Variants in HRH2 observed in about 807,000 individuals in gnomAD.
The protein encoded by HRH2 is histamine receptor H2.
Under a neutral mutation model 20.1 loss-of-function variants are expected in HRH2, and 4 were observed. That is an observed-to-expected ratio of 0.20 (90% CI 0.10 to 0.45). The LOEUF (loss-of-function observed/expected upper bound fraction) is 0.45, where lower values mean the gene tolerates loss of function less well. Ranked by LOEUF, HRH2 falls within the 20% of genes least tolerant of loss-of-function variation. The pLI, the probability that HRH2 is intolerant of heterozygous loss-of-function variation, is 0.99. For missense variants in HRH2, 250 were observed against 461.6 expected, an observed-to-expected ratio of 0.54 and a Z score of 4.20; for synonymous variants, 197 against 200.7, an observed-to-expected ratio of 0.98 and a Z score of 0.16.
rs1215575554 is a variant in HRH2 at position 175,658,093 on chromosome 5, C to CGGCGCG, written c.-579_-574dup. 1 of 151,894 alleles carries CGGCGCG rather than the reference C, an allele frequency of 6.6e-6. No individual in the cohort carries two copies. The highest frequency in any genetic ancestry group is 6.6e-5 in the Admixed American group (1 of 15,242). 9.4% of individuals were successfully genotyped at this position (151,894 alleles called of 1,614,324 possible). ...GCTGCATCCCTGCCCGGAGCGCAGC[C>CGGCGCG]GGCGCGGGCGCGGGACCGAGGCGAA... On this transcript the variant is annotated 5_prime_UTR_variant, in exon 1 of 3. Transcript: ENST00000636584.
Position 175,686,655 on chromosome 5 carries a change from AGAG to A in HRH2, c.1076+2350_1076+2352del, listed in dbSNP as rs1299042791. Among the ~76,000 whole-genome samples the A allele has an allele frequency of 3.3e-5, 5 of 152,220 alleles. No individual in the cohort carries two copies. Among genetic ancestry groups the A allele is most frequent in the African/African-American group, 1.2e-4 (5 of 41,458 alleles). On this transcript the variant is annotated intron_variant, in intron 2 of 2. Transcript: ENST00000636584. The surrounding 1 kb of genome is among the most constrained non-coding windows in gnomAD (Gnocchi z 4.7). ...GCATGGGCCCGGGAGCCCATCCCGG[AGAG>A]GAGACCTCTGAGCTTTTAAATGCAA...
In HRH2 at chr5:175,688,188, C is replaced by T. The variant is rs559402541; in HGVS notation, c.1076+3879C>T. On this transcript the variant is annotated intron_variant, in intron 2 of 2. Coordinates refer to ENST00000636584, the MANE Select transcript of HRH2 (RefSeq NM_001367711.1). ...CGGAGGCCCGCCTGGGTAACCCATG[C>T]TACTCTCGAGCCTCAGCTCAAATTC... Among the ~76,000 whole-genome samples, 45 of 152,356 alleles carry T rather than the reference C, an allele frequency of 3.0e-4. No individual in the cohort carries two copies. The Middle Eastern group carries it at 0.024, about 81-fold the overall frequency.
rs1756052033 is a variant in HRH2, at chr5:175,683,222, T to C, written c.-12T>C. ...GGGCCCTGATCAGGGGACTGAGCCG[T>C]AGAGTCCCAGGATGGCACCCAATGG... On this transcript the variant is annotated 5_prime_UTR_variant, in exon 2 of 3. Coordinates refer to ENST00000636584, the MANE Select transcript of HRH2 (RefSeq NM_001367711.1). 5.6e-6 allele frequency: 9 copies of C among 1,609,874 alleles called. No homozygotes were observed. The highest frequency in any genetic ancestry group is 7.6e-6 in the Non-Finnish European group (9 of 1,177,106).
chr5:175,707,297 G>A (rs961093960), intron 2 of HRH2, among the ~76,000 whole-genome samples: 1 of 152,074 alleles, frequency 6.6e-6, no homozygotes, highest in African/African-American at 2.4e-5. Flanking sequence ...AGGCATAGTG[G>A]CACGCACCTA....
chr5:175,659,877 T>C (rs182589479), intron 1 of HRH2, among the ~76,000 whole-genome samples: 1 of 152,284 alleles, frequency 6.6e-6, no homozygotes, highest in Admixed American at 6.5e-5. Context: ...TCTAAGGGTC[T>C]GGAAGGAAGG....
intron 1 of HRH2, among the ~76,000 whole-genome samples, chr5:175,658,481 C>T (rs1236822866): frequency 6.6e-6 from 1 of 152,192 alleles, no homozygotes; most frequent in Non-Finnish European, 1.5e-5. Context: ...CTTTATATCC[C>T]CTTTGCCCGC....
At chr5:175,691,250 C>T (rs1756368922) in intron 2 of HRH2, 1 of 152,418 alleles carries the variant, frequency 6.6e-6, no homozygotes, top group African/African-American at 2.4e-5. Flanking sequence ...GAGCCCCTCC[C>T]ACTCCTGGAG....
At position 175,681,490 on chromosome 5, in the gene HRH2, G is replaced by A. The variant is rs1385398399; in HGVS notation, c.-525-1219G>A. 6.6e-6 allele frequency among the ~76,000 whole-genome samples: 1 copy of A among 152,190 alleles called. No individual in the cohort carries two copies. Among genetic ancestry groups the A allele is most frequent in the Non-Finnish European group, 1.5e-5 (1 of 68,036 alleles). ...AGATTGCCTGCTCTCTGAAAAACCAGGAGGAGCTGGTAGGGAAGGACTGGG... is the reference window on the plus strand; with the variant it reads ...AGATTGCCTGCTCTCTGAAAAACCAAGAGGAGCTGGTAGGGAAGGACTGGG... On this transcript the variant is annotated intron_variant, in intron 1 of 2. Transcript: ENST00000636584. This position sits in a 1 kb window ranked among gnomAD's most constrained non-coding sequence, Gnocchi z 4.3.
At chr5:175,658,702 C>T (rs1190383315) in intron 1 of HRH2, among the ~76,000 whole-genome samples, 13 of 150,342 alleles carry the variant, frequency 8.6e-5, no homozygotes, top group Admixed American at 8.6e-4. Context: ...GCTGGGCTGC[C>T]GCCCGCTGCC....
chr5:175,683,689 G>C lies in HRH2; in HGVS notation c.456G>C (p.Leu152=), dbSNP rs753704560. The change falls in exon 2 of 3, where the codon CTG becomes CTC. Residue 152 remains leucine (L), a synonymous_variant. Coordinates refer to ENST00000636584, the MANE Select transcript of HRH2 (RefSeq NM_001367711.1). ...TCATCTCCATTACCCTGTCCTTTCT[G>C]TCTATCCACCTGGGGTGGAACAGCA... ...IWVISITLSF[L]SIHLGWNSRN... The C allele has an allele frequency of 6.2e-7, 1 of 1,614,124 alleles. No homozygotes were observed. Among genetic ancestry groups the C allele is most frequent in the Non-Finnish European group, 8.5e-7 (1 of 1,180,038 alleles).
At chr5:175,663,869 C>G (rs1272729825) in intron 1 of HRH2, among the ~76,000 whole-genome samples, 2 of 152,246 alleles carry the variant, frequency 1.3e-5, no homozygotes, top group Non-Finnish European at 2.9e-5. Context: ...CCTGGGCAAG[C>G]CACCTCCCCT....
chr5:175,684,085 C>T lies in HRH2; in HGVS notation c.852C>T (p.Asn284=). The part of the protein sequence containing the change: ...LWLGYANSAL[N]PILYAALNRD... The stretch of plus-strand genomic sequence containing the variant: ...TGGGCTATGCCAACTCAGCCCTGAA[C>T]CCCATCCTGTATGCTGCGCTGAACA... Residue 284 remains asparagine (N), a synonymous_variant, in exon 2 of 3, where the codon AAC becomes AAT. Transcript: ENST00000636584. The T allele has an allele frequency of 6.2e-7, 1 of 1,614,176 alleles. No individual in the cohort carries two copies. The highest frequency in any genetic ancestry group is 8.5e-7 in the Non-Finnish European group (1 of 1,180,046).
intron 1 of HRH2, among the ~76,000 whole-genome samples, chr5:175,667,794 A>G (rs573623734): frequency 5.9e-5 from 9 of 152,268 alleles, no homozygotes; most frequent in Non-Finnish European, 1.0e-4. Context: ...GTCATTCCCA[A>G]TATTGCCTAT....
chr5:175,693,859 G>A lies in HRH2; in HGVS notation c.1076+9550G>A, dbSNP rs1308019743. Among the ~76,000 whole-genome samples, 3 of 152,102 alleles carry A rather than the reference G, an allele frequency of 2.0e-5. No homozygotes were observed. The highest frequency in any genetic ancestry group is 7.2e-5 in the African/African-American group (3 of 41,410). ...CAGGCTGCACATCTCTCCCTTTTGT[G>A]GCTGCTGAGTTTCCTGCCGTCTCCC... is the stretch of plus-strand genomic sequence containing the variant. On this transcript the variant is annotated intron_variant, in intron 2 of 2. Coordinates refer to ENST00000636584, the MANE Select transcript of HRH2 (RefSeq NM_001367711.1). This position sits in a 1 kb window ranked among gnomAD's most constrained non-coding sequence, Gnocchi z 4.4.
intron 2 of HRH2, among the ~76,000 whole-genome samples, chr5:175,701,107 T>C (rs1756775963): frequency 6.6e-6 from 1 of 152,086 alleles, no homozygotes; most frequent in Non-Finnish European, 1.5e-5. Flanking sequence ...TGTCCTCACA[T>C]TAGCCCTGTG....
chr5:175,662,294 A>G (rs912139788), intron 1 of HRH2, among the ~76,000 whole-genome samples: 1 of 152,164 alleles, frequency 6.6e-6, no homozygotes, highest in Admixed American at 6.5e-5. Flanking sequence ...CTTGGAAGAC[A>G]TTTGTCAACA....
chr5:175,708,108 G>C lies in HRH2; in HGVS notation c.*137G>C. 1 of 397,602 alleles carries C rather than the reference G, an allele frequency of 2.5e-6. No homozygotes were observed. Among genetic ancestry groups the C allele is most frequent in the Non-Finnish European group, 4.4e-6 (1 of 225,814 alleles). The allele number at this position is 397,602 out of a possible 1,614,324, so 24.6% of individuals were successfully genotyped here. Reference sequence around the variant, plus strand: ...GGGGGCTCCCAGAACACACAGCTGGGTGTGGGGTCCTCAGGCCTAGGGCGG... The same window carrying C: ...GGGGGCTCCCAGAACACACAGCTGGCTGTGGGGTCCTCAGGCCTAGGGCGG... On this transcript the variant is annotated 3_prime_UTR_variant, in exon 3 of 3. Coordinates refer to ENST00000636584, the MANE Select transcript of HRH2 (RefSeq NM_001367711.1).
At chr5:175,663,875 C>G (rs1037281857) in intron 1 of HRH2, among the ~76,000 whole-genome samples, 2 of 152,238 alleles carry the variant, frequency 1.3e-5, no homozygotes, top group Admixed American at 1.3e-4. Context: ...CAAGCCACCT[C>G]CCCTCTCTGA....
Position 175,699,660 on chromosome 5 carries a change from G to A in HRH2, c.1077-8119G>A, listed in dbSNP as rs189604910. ...GTGACCTCGGCTCACTGCAAGCTCC[G>A]CCTCCTGGGTTCACGCCATTCTCCT... is the stretch of plus-strand genomic sequence containing the variant. On this transcript the variant is annotated intron_variant, in intron 2 of 2. Transcript: ENST00000636584. 2.6e-3 allele frequency among the ~76,000 whole-genome samples: 395 copies of A among 152,224 alleles called. 3 individuals are homozygous for A. Among genetic ancestry groups the A allele is most frequent in the Admixed American group, 0.016 (252 of 15,292 alleles).
Sources: gnomAD v4.1 joint callset for allele counts (sites outside exome capture counted in the v4.1 genomes callset) on GRCh38, gnomAD v4.1.1 for gene constraint, Gnocchi (gnomAD v3.1) non-coding constraint, MANE v1.5 for transcripts, NCBI Gene and HGNC (gene_info 2026-07-23, HGNC 2026-07-21) for gene names.